The following GNPAT variants were observed in gnomAD, a reference collection of about 807,000 sequenced individuals.
The protein encoded by GNPAT is glyceronephosphate O-acyltransferase.
GNPAT carries 30 observed loss-of-function variants against 78.4 expected under a neutral mutation model. The ratio of observed to expected loss-of-function variants is 0.38; its 90% CI spans 0.29 to 0.52. GNPAT has a LOEUF of 0.52. Ranked by LOEUF, GNPAT falls within the 20% of genes least tolerant of loss-of-function variation. GNPAT has a pLI of 0.84. For synonymous variants in GNPAT, 271 were observed against 281.1 expected, an observed-to-expected ratio of 0.96 and a Z score of 0.36; for missense variants, 714 against 812.2, an observed-to-expected ratio of 0.88 and a Z score of 1.47.
At chr1:231,274,109 T>G in intron 12 of GNPAT, 47 bp downstream of exon 12, 1 of 1,507,794 alleles carries the variant, frequency 6.6e-7, no homozygotes, top group Non-Finnish European at 9.2e-7. Context: ...ATATCAAATA[T>G]AATAAGACAT....
rs933838371 is a variant in GNPAT, at chr1:231,241,558, C to G, written c.78+102C>G. 1.0e-5 allele frequency: 9 copies of G among 893,358 alleles called. No homozygotes were observed. In the African/African-American group the frequency reaches 1.3e-4, roughly 13 times the overall value. The allele number at this position is 893,358 out of a possible 1,614,324, so 55.3% of individuals were successfully genotyped here. On this transcript the variant is annotated intron_variant, in intron 1 of 15. Coordinates refer to ENST00000366647, the MANE Select transcript of GNPAT (RefSeq NM_014236.4). Reference sequence around the variant, plus strand: ...GGCCCACCACCCTTGCCCAAAAGAGCTGGCCCCTAGGCTCCCGAGGAGGGG... The same window carrying G: ...GGCCCACCACCCTTGCCCAAAAGAGGTGGCCCCTAGGCTCCCGAGGAGGGG...
intron 1 of GNPAT, among the ~76,000 whole-genome samples, chr1:231,249,735 G>A (rs974776305): frequency 4.6e-5 from 7 of 152,154 alleles, no homozygotes; most frequent in African/African-American, 1.2e-4. Context: ...TTTAGAATGC[G>A]CCTAACACTT....
Position 231,254,221 on chromosome 1 carries a change from G to C in GNPAT, c.261+3078G>C, listed in dbSNP as rs371091517. On this transcript the variant is annotated intron_variant, in intron 2 of 15. Coordinates refer to ENST00000366647, the MANE Select transcript of GNPAT (RefSeq NM_014236.4). ...AGTGTTTCTCTGACTTGGCTGTGCT[G>C]CTGAGAAAAATCACATAAACTAAGA... Among the ~76,000 whole-genome samples the C allele has an allele frequency of 3.3e-5, 5 of 152,316 alleles. No homozygotes were observed. In the South Asian group the frequency reaches 1.0e-3, roughly 32 times the overall value.
intron 1 of GNPAT, among the ~76,000 whole-genome samples, chr1:231,248,660 TAAACACACACAC>T (rs2102799509): frequency 6.6e-6 from 1 of 152,238 alleles, no homozygotes; most frequent in African/African-American, 2.4e-5. Flanking sequence ...TATATACGTA[TAAACACACACAC>T]AAACACACAC....
chr1:231,262,629 C>A (rs1685252278), intron 3 of GNPAT, 94 bp from the exon 4 acceptor site: 7 of 1,027,158 alleles, frequency 6.8e-6, no homozygotes, highest in Non-Finnish European at 7.6e-6. Flanking sequence ...GGTATTCCCT[C>A]TAAATATAGA....
Position 231,267,722 on chromosome 1 carries a change from C to T in GNPAT, c.1098C>T (p.Val366=). The T allele has an allele frequency of 6.2e-7, 1 of 1,611,612 alleles. No individual in the cohort carries two copies. Among genetic ancestry groups the T allele is most frequent in the Non-Finnish European group, 8.5e-7 (1 of 1,177,720 alleles). The change falls in exon 9 of 16, where the codon GTC becomes GTT. Residue 366 remains valine, a synonymous_variant. Transcript: ENST00000366647. ...AGTCTGAGGACATGCATGCCTTTGTCACTGAAGTTGCCTACAAAATGGAGC... is the reference window on the plus strand; with the variant it reads ...AGTCTGAGGACATGCATGCCTTTGTTACTGAAGTTGCCTACAAAATGGAGC... The part of the protein sequence containing the change: ...QKQSEDMHAF[V]TEVAYKMELL...
Position 231,271,215 on chromosome 1 carries a change from C to T in GNPAT, c.1522+215C>T, listed in dbSNP as rs539699. Among the ~76,000 whole-genome samples, 89,476 of 152,018 alleles carry T rather than the reference C, an allele frequency of 0.59. 26,816 individuals carry two copies. The highest frequency in any genetic ancestry group is 0.69 in the African/African-American group (28,621 of 41,438). ...CTGGAAATAATCTAAACCTTTCCTT[C>T]TATAAATATGGAAAATGAGGCCTAG... On this transcript the variant is annotated intron_variant, in intron 10 of 15. Coordinates refer to ENST00000366647, the MANE Select transcript of GNPAT (RefSeq NM_014236.4).
Position 231,250,958 on chromosome 1 carries a change from C to T in GNPAT, c.79-3C>T. The T allele has an allele frequency of 6.3e-7, 1 of 1,596,650 alleles. No individual in the cohort carries two copies. The highest frequency in any genetic ancestry group is 1.3e-5 in the African/African-American group (1 of 74,656). On this transcript the variant is annotated splice_polypyrimidine_tract_variant and splice_region_variant and intron_variant, in intron 1 of 15. Coordinates refer to ENST00000366647, the MANE Select transcript of GNPAT (RefSeq NM_014236.4). ...GCTCATTACTTTCTTGCCTTATCCA[C>T]AGAAGGAGCTCAAAAAGTGGGATGA... is the stretch of plus-strand genomic sequence containing the variant.
intron 15 of GNPAT, among the ~76,000 whole-genome samples, chr1:231,276,934 G>A (rs118166232): frequency 2.0e-5 from 3 of 152,116 alleles, no homozygotes; most frequent in Admixed American, 6.6e-5. Flanking sequence ...TCAGTACCTC[G>A]TCAAACCTGC....
chr1:231,270,940 A>T lies in GNPAT; in HGVS notation c.1462A>T (p.Ile488Phe). The T allele has an allele frequency of 6.2e-7, 1 of 1,614,072 alleles. No individual in the cohort carries two copies. Among genetic ancestry groups the T allele is most frequent in the Non-Finnish European group, 8.5e-7 (1 of 1,179,970 alleles). The change falls in exon 10 of 16, where the codon ATT becomes TTT. Residue 488 changes from isoleucine (I) to phenylalanine (F), a missense_variant. Ile to Phe is a conservative substitution (Grantham distance 21). Transcript: ENST00000366647. Reference sequence around the variant, plus strand: ...AGCTTATAGGAACCAGCTGCTCAACATTTTTGTGCGCCCATCCTTAGTAGC... The same window carrying T: ...AGCTTATAGGAACCAGCTGCTCAACTTTTTTGTGCGCCCATCCTTAGTAGC... ...CSAYRNQLLNIFVRPSLVAVA... is the reference protein window; with the variant it reads ...CSAYRNQLLNFFVRPSLVAVA...
At chr1:231,267,263 G>A (rs1372951241) in intron 8 of GNPAT, among the ~76,000 whole-genome samples, 1 of 152,172 alleles carries the variant, frequency 6.6e-6, no homozygotes, top group East Asian at 1.9e-4. Flanking sequence ...AAACTGAATG[G>A]CACCCATTCA....
At chr1:231,253,436 T>G (rs574528026) in intron 2 of GNPAT, among the ~76,000 whole-genome samples, 82 of 152,388 alleles carry the variant, frequency 5.4e-4, no homozygotes, top group Non-Finnish European at 1.0e-3. Flanking sequence ...TAAATTCGCC[T>G]CTAATGCTCT....
intron 2 of GNPAT, among the ~76,000 whole-genome samples, chr1:231,259,358 A>G (rs1311381731): frequency 6.6e-6 from 1 of 152,126 alleles, no homozygotes; most frequent in African/African-American, 2.4e-5. Context: ...CTTTAAAATG[A>G]TTAATTTGGC....
At chr1:231,249,214 T>A (rs1160767553) in intron 1 of GNPAT, among the ~76,000 whole-genome samples, 1 of 152,224 alleles carries the variant, frequency 6.6e-6, no homozygotes, top group Non-Finnish European at 1.5e-5. Context: ...TTTCCAGCCT[T>A]ATAAGCAAGA....
chr1:231,275,017 T>C, intron 12 of GNPAT: 1 of 540,988 alleles, frequency 1.8e-6, no homozygotes, highest in East Asian at 3.2e-5. Flanking sequence ...TTTAAATCTT[T>C]TTCTAATTGT....
intron 1 of GNPAT, among the ~76,000 whole-genome samples, chr1:231,247,090 C>T (rs781127386): frequency 2.0e-4 from 30 of 150,466 alleles, no homozygotes; most frequent in South Asian, 8.9e-4. Flanking sequence ...GGCGTGAACC[C>T]GGGAGGCGGA....
intron 9 of GNPAT, among the ~76,000 whole-genome samples, chr1:231,268,758 T>A (rs1209272056): frequency 6.6e-6 from 1 of 150,730 alleles, no homozygotes; most frequent in Non-Finnish European, 1.5e-5. Context: ...ACACAAAAAT[T>A]AGCCGGGCAT....
At chr1:231,262,633 A>G in intron 3 of GNPAT, 90 bp from the exon 4 acceptor site, 1 of 1,047,318 alleles carries the variant, frequency 9.5e-7, no homozygotes, top group East Asian at 2.4e-5. Flanking sequence ...TTCCCTCTAA[A>G]TATAGACTTA....
chr1:231,274,554 G>A (rs2102827416), intron 12 of GNPAT, among the ~76,000 whole-genome samples: 2 of 152,310 alleles, frequency 1.3e-5, no homozygotes, highest in East Asian at 1.9e-4. Flanking sequence ...TTAGAGAGAT[G>A]GGATGGTATG....
Sources: allele counts gnomAD v4.1 joint callset (sites outside exome capture counted in the v4.1 genomes callset), GRCh38; gene constraint gnomAD v4.1.1; transcripts MANE v1.5; gene names NCBI Gene and HGNC (gene_info 2026-07-23, HGNC 2026-07-21).